Variants in CCNG1 observed in about 807,000 individuals in gnomAD.
CCNG1 encodes the protein cyclin-G1.
In CCNG1, 13 loss-of-function variants were observed where a neutral mutation model predicts 30.0. The ratio of observed to expected loss-of-function variants is 0.43; its 90% CI spans 0.28 to 0.69. CCNG1 has a LOEUF of 0.69. CCNG1 is among the 30% of genes least tolerant of loss of function. CCNG1 has a pLI of 0.16. For missense variants in CCNG1, 285 were observed against 331.4 expected (o/e 0.86, Z 1.09); for synonymous variants, 110 against 121.5 (o/e 0.91, Z 0.62).
downstream of CCNG1, chr5:163,451,069 A>C (rs1341301936): frequency 1.3e-5 from 2 of 152,226 alleles, no homozygotes; most frequent in Non-Finnish European, 2.9e-5. Flanking sequence ...ATGTACATGA[A>C]ATGTCCAGAA....
intron 1 of CCNG1, 72 bp from the exon 2 acceptor site, chr5:163,439,185 G>A (rs540263138): frequency 1.5e-6 from 2 of 1,369,106 alleles, no homozygotes; most frequent in South Asian, 1.3e-5. Context: ...TCTTGGCCCA[G>A]TGCAAAGATG....
chr5:163,454,034 A>G, the CCNG1 span: 1 of 1,553,160 alleles, frequency 6.4e-7, no homozygotes, highest in South Asian at 1.2e-5. Flanking sequence ...TGCTCCACTG[A>G]AGTCAAAACC....
In CCNG1 at chr5:163,441,974, T is replaced by A. The variant is rs953078142; in HGVS notation, c.597+10T>A. 2.0e-5 allele frequency: 32 copies of A among 1,590,512 alleles called. No individual in the cohort carries two copies. The highest frequency in any genetic ancestry group is 2.8e-5 in the Non-Finnish European group (32 of 1,159,272). ...ATTTTCTAAAGCAAAGGTAAATATT[T>A]TATAAAGATTATGCCTATTGATATG... On this transcript the variant is annotated intron_variant, in intron 4 of 6. Transcript: ENST00000340828.
chr5:163,447,942 G>A (rs1437617536), downstream of CCNG1: 3 of 152,152 alleles, frequency 2.0e-5, no homozygotes, highest in Non-Finnish European at 4.4e-5. Flanking sequence ...ACAATCGACT[G>A]CTTTTTACTA....
chr5:163,456,888 T>C, the CCNG1 span: 3 of 1,228,742 alleles, frequency 2.4e-6, no homozygotes, highest in East Asian at 5.5e-5. Flanking sequence ...ATGATTTTTA[T>C]ATATTTAATT....
At chr5:163,445,566 A>G (rs1271170079), downstream of CCNG1, among the ~76,000 whole-genome samples, 3 of 147,232 alleles carry the variant, frequency 2.0e-5, no homozygotes, top group Admixed American at 1.4e-4. Context: ...AGATCCTCCC[A>G]CCTTAGCTTC....
downstream of CCNG1, chr5:163,449,499 T>C (rs1346772542): frequency 1.3e-5 from 2 of 152,254 alleles, no homozygotes; most frequent in African/African-American, 2.4e-5. Flanking sequence ...CTCATGTTCA[T>C]GGATTGGAAG....
intron 5 of CCNG1, 45 bp from the exon 6 acceptor site, chr5:163,442,329 G>T: frequency 7.1e-7 from 1 of 1,408,762 alleles, no homozygotes; most frequent in Non-Finnish European, 9.7e-7. Context: ...AAATAAGGTG[G>T]GACTTACTTG....
chr5:163,457,568 T>TC, the CCNG1 span: 7 of 1,570,510 alleles, frequency 4.5e-6, no homozygotes, highest in East Asian at 1.6e-4. Context: ...TTACCCAAAG[T>TC]CCATGTTCCC....
chr5:163,445,309 C>G (rs1561622075), downstream of CCNG1, among the ~76,000 whole-genome samples: 1 of 151,826 alleles, frequency 6.6e-6, no homozygotes, highest in South Asian at 2.1e-4. Context: ...AATAATATGA[C>G]TATTAGCTGA....
At chr5:163,448,097 T>TG (rs951403626), downstream of CCNG1, 1 of 151,526 alleles carries the variant, frequency 6.6e-6, no homozygotes, top group Admixed American at 6.6e-5. Flanking sequence ...AGTTTGAGGC[T>TG]GCAGTGAGCT....
At position 163,441,137 on chromosome 5, in the gene CCNG1, A is replaced by G. The variant is rs1469642666; in HGVS notation, c.324A>G (p.Ser108=). The change falls in exon 3 of 7, where the codon TCA becomes TCG. Residue 108 remains serine, a synonymous_variant. Transcript: ENST00000340828. ...GCTGCTTTTATTTGGCTGTAAAATC[A>G]ATAGAAGAGGAAAGGAATGTCCCAT... is the stretch of plus-strand genomic sequence containing the variant. The part of the protein sequence containing the change: ...GLSCFYLAVK[S]IEEERNVPLA... The G allele has an allele frequency of 5.0e-6, 8 of 1,613,886 alleles. No individual in the cohort carries two copies. The highest frequency in any genetic ancestry group is 5.9e-6 in the Non-Finnish European group (7 of 1,179,900).
the CCNG1 span, chr5:163,454,187 A>G: frequency 9.0e-6 from 4 of 444,858 alleles, no homozygotes; most frequent in East Asian, 3.5e-5. Flanking sequence ...TGTTACCACC[A>G]AAGTAATATT....
downstream of CCNG1, chr5:163,450,734 G>A (rs1758157690): frequency 6.6e-6 from 1 of 152,184 alleles, no homozygotes; most frequent in South Asian, 2.1e-4. Flanking sequence ...AAAAGATGTA[G>A]CTGCTTTGGG....
Position 163,443,754 on chromosome 5 carries a change from T to G in CCNG1, c.*84T>G. On this transcript the variant is annotated 3_prime_UTR_variant, in exon 7 of 7. Transcript: ENST00000340828. ...TGGATTCCATAATGTTACAATGGAT[T>G]TAAGCTATGAAGCCTCAAAACATCA... 1 of 1,498,004 alleles carries G rather than the reference T, an allele frequency of 6.7e-7. No individual in the cohort carries two copies. The highest frequency in any genetic ancestry group is 9.0e-7 in the Non-Finnish European group (1 of 1,116,924). The allele number at this position is 1,498,004 out of a possible 1,614,324, so 92.8% of individuals were successfully genotyped here. A position where few individuals can be genotyped will look rare whatever the true frequency, so the allele number is the denominator to read the frequency against.
At chr5:163,442,601 A>C in intron 6 of CCNG1, 33 bp downstream of exon 6, 1 of 1,504,008 alleles carries the variant, frequency 6.6e-7, no homozygotes, top group East Asian at 2.3e-5. Flanking sequence ...CTCCAGATAG[A>C]GAACATTTTC....
At chr5:163,451,462 A>C in the CCNG1 span, 1 of 152,160 alleles carries the variant, frequency 6.6e-6, no homozygotes, top group African/African-American at 2.4e-5. Context: ...CTGACTGTGG[A>C]GGTGTTTACA....
intron 2 of CCNG1, 101 bp from the exon 3 acceptor site, chr5:163,440,977 A>G: frequency 3.2e-6 from 4 of 1,244,288 alleles, no homozygotes; most frequent in Non-Finnish European, 4.5e-6. Context: ...CCTCAAATAT[A>G]CATTTTCAAA....
intron 6 of CCNG1, among the ~76,000 whole-genome samples, chr5:163,442,892 A>G (rs1418895641): frequency 6.6e-6 from 1 of 152,166 alleles, no homozygotes. Context: ...TATGTATCTG[A>G]CTGATTTAAA....
Sources: allele counts gnomAD v4.1 joint callset (sites outside exome capture counted in the v4.1 genomes callset), GRCh38; gene constraint gnomAD v4.1.1; transcripts MANE v1.5; gene names NCBI Gene and HGNC (gene_info 2026-07-23, HGNC 2026-07-21).